Variants in SLC39A11 observed in about 807,000 individuals in gnomAD.
The protein encoded by SLC39A11 is zinc transporter ZIP11.
Under a neutral mutation model 36.1 loss-of-function variants are expected in SLC39A11, and 33 were observed. The observed-to-expected ratio is 0.91, with a 90% CI of 0.69 to 1.22. The LOEUF (loss-of-function observed/expected upper bound fraction) is 1.22. Ranked by LOEUF, SLC39A11 falls within the 50% of genes most tolerant of loss-of-function variation. SLC39A11 has a pLI of 0.00. For missense variants in SLC39A11, 432 were observed against 430.3 expected (o/e 1.00, Z -0.03); for synonymous variants, 166 against 170.3 (o/e 0.97, Z 0.20).
intron 3 of SLC39A11, among the ~76,000 whole-genome samples, chr17:73,045,678 A>ATTACT (rs1170364854): frequency 6.6e-6 from 1 of 152,184 alleles, no homozygotes; most frequent in Non-Finnish European, 1.5e-5. Flanking sequence ...AAGTATACTC[A>ATTACT]TTACTTTGGT....
chr17:72,886,856 G>A (rs2081461789), intron 5 of SLC39A11, among the ~76,000 whole-genome samples: 1 of 152,114 alleles, frequency 6.6e-6, no homozygotes, highest in Non-Finnish European at 1.5e-5. Context: ...TGACTGGAGT[G>A]CTCCCTCCTA....
rs749755400 is a variant in SLC39A11 at position 73,031,544 on chromosome 17, A to G, written c.306+12T>C. ...ATCCCGATACGACAGCTAAAAGTAG[A>G]GTGGTACTCACCAAGTGAGGCATCA... On this transcript the variant is annotated intron_variant, in intron 4 of 9. Coordinates refer to ENST00000255559, the MANE Select transcript of SLC39A11 (RefSeq NM_139177.4). 2 of 1,614,072 alleles carry G rather than the reference A, an allele frequency of 1.2e-6. No homozygotes were observed. The highest frequency in any genetic ancestry group is 2.2e-5 in the South Asian group (2 of 91,076).
At chr17:73,020,815 TG>T (rs1161693131) in intron 4 of SLC39A11, among the ~76,000 whole-genome samples, 1 of 150,504 alleles carries the variant, frequency 6.6e-6, no homozygotes, top group Non-Finnish European at 1.5e-5. Flanking sequence ...CCCGAGTAGC[TG>T]GGGCTACAGG....
chr17:72,898,774 C>T (rs1287896032), intron 5 of SLC39A11, among the ~76,000 whole-genome samples: 1 of 152,240 alleles, frequency 6.6e-6, no homozygotes, highest in Admixed American at 6.5e-5. Context: ...ATACATAACA[C>T]CACCCTGGTT....
At position 72,947,685 on chromosome 17, in the gene SLC39A11, G is replaced by T. The variant is rs150875026; in HGVS notation, c.430+67C>A. 3 of 1,608,850 alleles carry T rather than the reference G, an allele frequency of 1.9e-6. 1 individual carries two copies. Among genetic ancestry groups the T allele is most frequent in the South Asian group, 1.1e-5 (1 of 90,958 alleles). ...TATTCATCCTACCACCAGCCCCCAC[G>T]TCCATATTGCCTGACTCAGCTCAGT... On this transcript the variant is annotated intron_variant, in intron 5 of 9. Transcript: ENST00000255559.
intron 7 of SLC39A11, among the ~76,000 whole-genome samples, chr17:72,732,977 C>A (rs2143897248): frequency 6.6e-6 from 1 of 152,302 alleles, no homozygotes; most frequent in African/African-American, 2.4e-5. Context: ...GGAGAGAGGA[C>A]AAGTTGCACA....
At chr17:72,861,681 ATATATAT>A (rs1293720942) in intron 5 of SLC39A11, among the ~76,000 whole-genome samples, 80 of 124,158 alleles carry the variant, frequency 6.4e-4, no homozygotes, top group African/African-American at 8.7e-4. Flanking sequence ...ATATATATAT[ATATATAT>A]AAAATATATA....
intron 6 of SLC39A11, among the ~76,000 whole-genome samples, chr17:72,783,372 C>T (rs2076392549): frequency 6.6e-6 from 1 of 152,220 alleles, no homozygotes; most frequent in Admixed American, 6.5e-5. Context: ...GAAAAGGCCT[C>T]CCATGGCTGT....
At chr17:72,718,126 G>A (rs76709350) in intron 7 of SLC39A11, among the ~76,000 whole-genome samples, 52 of 152,228 alleles carry the variant, frequency 3.4e-4, no homozygotes, top group African/African-American at 1.1e-3. Flanking sequence ...CTTGCATTTC[G>A]TAATGAGCCA....
At chr17:72,721,386 C>T (rs1259481498) in intron 7 of SLC39A11, among the ~76,000 whole-genome samples, 1 of 152,156 alleles carries the variant, frequency 6.6e-6, no homozygotes, top group African/African-American at 2.4e-5. Flanking sequence ...CAAGAACCAC[C>T]ATGTCCGGTC....
intron 4 of SLC39A11, among the ~76,000 whole-genome samples, chr17:73,002,805 A>G (rs1340994327): frequency 6.6e-6 from 1 of 152,218 alleles, no homozygotes; most frequent in Non-Finnish European, 1.5e-5. Context: ...CAGCAGGGCC[A>G]TGCTCCCTCT....
chr17:72,690,362 C>T (rs1169907819), intron 7 of SLC39A11, among the ~76,000 whole-genome samples: 1 of 152,164 alleles, frequency 6.6e-6, no homozygotes, highest in Non-Finnish European at 1.5e-5. Flanking sequence ...CGGAGAATTC[C>T]CCAAGGGGCT....
At chr17:72,871,996 C>CA (rs1386047526) in intron 5 of SLC39A11, among the ~76,000 whole-genome samples, 1 of 152,130 alleles carries the variant, frequency 6.6e-6, no homozygotes, top group East Asian at 1.9e-4. Context: ...GGTGTCCTTA[C>CA]AAAACTGGAG....
intron 5 of SLC39A11, among the ~76,000 whole-genome samples, chr17:72,939,536 A>G (rs190559807): frequency 2.6e-5 from 4 of 152,220 alleles, no homozygotes; most frequent in African/African-American, 9.6e-5. Flanking sequence ...GTCATACAGG[A>G]TTAAGTGAGC....
intron 5 of SLC39A11, among the ~76,000 whole-genome samples, chr17:72,905,808 C>T (rs1001027373): frequency 6.6e-6 from 1 of 151,712 alleles, no homozygotes; most frequent in Non-Finnish European, 1.5e-5. Context: ...GGCTAGAGTA[C>T]AGTGGCGTGA....
chr17:72,752,944 C>G (rs1280209118), intron 6 of SLC39A11, among the ~76,000 whole-genome samples: 1 of 152,154 alleles, frequency 6.6e-6, no homozygotes, highest in Non-Finnish European at 1.5e-5. Flanking sequence ...CAGCCTTGAC[C>G]TCCTGGGCCC....
chr17:72,753,717 G>C (rs1382867242), intron 6 of SLC39A11, among the ~76,000 whole-genome samples: 1 of 151,618 alleles, frequency 6.6e-6, no homozygotes, highest in Non-Finnish European at 1.5e-5. Context: ...TGACATTGAC[G>C]ATAGTTGGAA....
intron 6 of SLC39A11, among the ~76,000 whole-genome samples, chr17:72,797,915 A>C (rs2076947017): frequency 6.6e-6 from 1 of 152,132 alleles, no homozygotes; most frequent in Non-Finnish European, 1.5e-5. Flanking sequence ...GCAGCCTAGG[A>C]GTACATTTCC....
intron 6 of SLC39A11, among the ~76,000 whole-genome samples, chr17:72,821,420 C>T (rs145384663): frequency 1.4e-5 from 2 of 143,716 alleles, no homozygotes; most frequent in African/African-American, 2.6e-5. Context: ...GCACAAGAAC[C>T]GATTGAACTC....
Sources: gnomAD v4.1 joint callset for allele counts (sites outside exome capture counted in the v4.1 genomes callset) on GRCh38, gnomAD v4.1.1 for gene constraint, MANE v1.5 for transcripts, NCBI Gene and HGNC (gene_info 2026-07-23, HGNC 2026-07-21) for gene names.